The following CPNE4 variants were observed in gnomAD, a reference collection of about 807,000 sequenced individuals.
CPNE4 encodes the protein copine 4, also known as copine-4.
In CPNE4, 25 loss-of-function variants were observed where a neutral mutation model predicts 67.9. The ratio of observed to expected loss-of-function variants is 0.37; its 90% CI spans 0.27 to 0.51. CPNE4 has a LOEUF of 0.51. CPNE4 is among the 20% of genes least tolerant of loss of function. CPNE4 has a pLI of 0.93. For missense variants in CPNE4, 464 were observed against 690.8 expected (o/e 0.67, Z 3.68); for synonymous variants, 242 against 244.9 (o/e 0.99, Z 0.11).
intron 7 of CPNE4, among the ~76,000 whole-genome samples, chr3:131,641,051 A>G (rs2079527842): frequency 6.6e-6 from 1 of 152,240 alleles, no homozygotes; most frequent in Non-Finnish European, 1.5e-5. Context: ...TAAGACCTGA[A>G]TCCATGAGGA....
intron 1 of CPNE4, among the ~76,000 whole-genome samples, chr3:131,978,525 A>ATTT (rs1560724743): frequency 1.3e-5 from 1 of 74,426 alleles, no homozygotes; most frequent in African/African-American, 7.0e-5. Context: ...TATTTATATA[A>ATTT]ATATAAATAT....
At chr3:131,843,827 T>C (rs1044211659) in intron 2 of CPNE4, among the ~76,000 whole-genome samples, 1 of 152,144 alleles carries the variant, frequency 6.6e-6, no homozygotes, top group African/African-American at 2.4e-5. Flanking sequence ...GGTCAAAATG[T>C]GCCCCTCTGT....
chr3:131,734,305 T>G (rs974120902), intron 2 of CPNE4, among the ~76,000 whole-genome samples: 15 of 152,148 alleles, frequency 9.9e-5, no homozygotes, highest in Non-Finnish European at 2.2e-4. Flanking sequence ...TGTAGATGTA[T>G]GTTCTTGATA....
chr3:131,650,464 T>A (rs2079780146), intron 7 of CPNE4, among the ~76,000 whole-genome samples: 1 of 149,134 alleles, frequency 6.7e-6, no homozygotes, highest in Non-Finnish European at 1.5e-5. Flanking sequence ...CCTTTAAAAA[T>A]TCTATTATTG....
intron 2 of CPNE4, among the ~76,000 whole-genome samples, chr3:131,820,221 T>C (rs2084912764): frequency 6.6e-6 from 1 of 152,202 alleles, no homozygotes; most frequent in South Asian, 2.1e-4. Context: ...CGGACTAACA[T>C]CTGTGGGAGG....
intron 2 of CPNE4, among the ~76,000 whole-genome samples, chr3:131,873,740 C>T (rs373613168): frequency 1.6e-4 from 25 of 152,272 alleles, no homozygotes; most frequent in African/African-American, 5.8e-4. Context: ...CATAAATGGA[C>T]CTTATCACTC....
intron 5 of CPNE4, 44 bp downstream of exon 5, chr3:131,696,497 TA>T (rs1378133034): frequency 6.5e-7 from 1 of 1,550,142 alleles, no homozygotes; most frequent in South Asian, 1.1e-5. Context: ...AACTGTGTGC[TA>T]GCTTTGTTAC....
intron 2 of CPNE4, among the ~76,000 whole-genome samples, chr3:131,792,636 C>CACGT (rs1553772163): frequency 1.5e-5 from 1 of 66,960 alleles, no homozygotes; most frequent in Non-Finnish European, 3.0e-5. Flanking sequence ...TATATACACA[C>CACGT]GTGTATATAT....
At chr3:131,610,883 A>G (rs1939798006) in intron 7 of CPNE4, among the ~76,000 whole-genome samples, 1 of 152,150 alleles carries the variant, frequency 6.6e-6, no homozygotes, top group African/African-American at 2.4e-5. Flanking sequence ...AGTGGATGGA[A>G]GACAAGAGCA....
chr3:131,983,257 T>C (rs1049148406), intron 1 of CPNE4, among the ~76,000 whole-genome samples: 1 of 152,170 alleles, frequency 6.6e-6, no homozygotes, highest in Non-Finnish European at 1.5e-5. Context: ...TCTCTAACAG[T>C]AGGATTCACC....
At chr3:132,035,130 C>G, upstream of CPNE4, 1 of 908,750 alleles carries the variant, frequency 1.1e-6, no homozygotes, top group Non-Finnish European at 1.3e-6. Context: ...GCTCAGGCCC[C>G]GCCCAGGCCT....
chr3:131,644,174 G>A (rs951941756), intron 7 of CPNE4, among the ~76,000 whole-genome samples: 2 of 151,472 alleles, frequency 1.3e-5, no homozygotes, highest in Non-Finnish European at 2.9e-5. Flanking sequence ...TTGAGATGGA[G>A]TCTCGCTCTG....
intron 2 of CPNE4, among the ~76,000 whole-genome samples, chr3:131,817,134 G>A (rs16837866): frequency 0.052 from 7,952 of 152,174 alleles, 443 homozygotes; most frequent in African/African-American, 0.14. Context: ...CAAATACTTT[G>A]GTTCACTACA....
intron 3 of CPNE4, among the ~76,000 whole-genome samples, chr3:131,711,430 T>C (rs1583061056): frequency 6.6e-6 from 1 of 152,298 alleles, no homozygotes; most frequent in Non-Finnish European, 1.5e-5. Context: ...TTGGGGGATA[T>C]GTTTTCCTTT....
intron 2 of CPNE4, among the ~76,000 whole-genome samples, chr3:131,789,201 G>A (rs2083647499): frequency 6.6e-6 from 1 of 152,070 alleles, no homozygotes; most frequent in South Asian, 2.1e-4. Flanking sequence ...TTCCTGTTCT[G>A]GAGACGTACA....
intron 2 of CPNE4, among the ~76,000 whole-genome samples, chr3:131,856,746 A>C (rs61251600): frequency 0.076 from 11,591 of 152,040 alleles, 466 homozygotes; most frequent in East Asian, 0.11. Context: ...TGCTTACACT[A>C]CATAGCAGGC....
chr3:131,732,998 C>T (rs1308334502), intron 2 of CPNE4, among the ~76,000 whole-genome samples: 1 of 152,212 alleles, frequency 6.6e-6, no homozygotes, highest in Non-Finnish European at 1.5e-5. Context: ...AATGGGTATG[C>T]ACCAAGAATT....
At chr3:131,818,987 C>T (rs926399402) in intron 2 of CPNE4, among the ~76,000 whole-genome samples, 4 of 152,132 alleles carry the variant, frequency 2.6e-5, no homozygotes, top group African/African-American at 9.7e-5. Flanking sequence ...GTAAACTCAG[C>T]TACTTGGGAG....
chr3:131,818,710 T>C (rs2084842704), intron 2 of CPNE4, among the ~76,000 whole-genome samples: 1 of 152,212 alleles, frequency 6.6e-6, no homozygotes, highest in Admixed American at 6.5e-5. Context: ...GATTGAATCT[T>C]TGTGCTAACT....
Sources: allele counts gnomAD v4.1 joint callset (sites outside exome capture counted in the v4.1 genomes callset), GRCh38; gene constraint gnomAD v4.1.1; transcripts MANE v1.5; gene names NCBI Gene and HGNC (gene_info 2026-07-23, HGNC 2026-07-21).